The following TSHZ2 variants were observed in gnomAD, a reference collection of about 807,000 sequenced individuals.
TSHZ2 encodes teashirt homolog 2.
TSHZ2 carries 21 observed loss-of-function variants against 74.4 expected under a neutral mutation model. The observed-to-expected ratio is 0.28, with a 90% CI of 0.20 to 0.41. TSHZ2 has a LOEUF of 0.41. TSHZ2 is among the 10% of genes least tolerant of loss of function. The pLI, the probability that TSHZ2 is intolerant of heterozygous loss-of-function variation, is 1.00. For synonymous variants in TSHZ2, 540 were observed against 515.3 expected (o/e 1.05, Z -0.65); for missense variants, 1,244 against 1,293.5 (o/e 0.96, Z 0.59).
At chr20:53,422,501 CAAG>C (rs1335505124) in intron 2 of TSHZ2, among the ~76,000 whole-genome samples, 1 of 152,134 alleles carries the variant, frequency 6.6e-6, no homozygotes, top group Non-Finnish European at 1.5e-5. Context: ...AACACCTTCT[CAAG>C]AAGAAGAGAG....
At chr20:53,050,920 A>C (rs1030276379) in intron 1 of TSHZ2, among the ~76,000 whole-genome samples, 1 of 152,258 alleles carries the variant, frequency 6.6e-6, no homozygotes, top group Non-Finnish European at 1.5e-5. Context: ...CTGGCAAAAT[A>C]GATAAACAAT....
chr20:53,091,479 T>C (rs778937629), intron 1 of TSHZ2, among the ~76,000 whole-genome samples: 1 of 152,244 alleles, frequency 6.6e-6, no homozygotes, highest in Non-Finnish European at 1.5e-5. Context: ...AAATAATTTG[T>C]AAGATTTACC....
intron 2 of TSHZ2, among the ~76,000 whole-genome samples, chr20:53,337,693 A>G (rs1156356828): frequency 6.6e-6 from 1 of 152,236 alleles, no homozygotes; most frequent in Non-Finnish European, 1.5e-5. Flanking sequence ...ACCAAAGATA[A>G]TTAAATAACA....
In TSHZ2 at chr20:53,026,971, C is replaced by T. The variant is rs138718712; in HGVS notation, c.40+53638C>T. Among the ~76,000 whole-genome samples the T allele has an allele frequency of 2.6e-4, 39 of 151,506 alleles. No homozygotes were observed. The East Asian group carries it at 6.0e-3, about 23-fold the overall frequency. ...TATGTATTTATGTTTATAAAGACAG[C>T]GAGACCCTGTCTTTATAAACATAAA... On this transcript the variant is annotated intron_variant, in intron 1 of 2. Coordinates refer to ENST00000371497, the MANE Select transcript of TSHZ2 (RefSeq NM_173485.6).
At chr20:53,015,503 G>A (rs1489930203) in intron 1 of TSHZ2, among the ~76,000 whole-genome samples, 1 of 152,112 alleles carries the variant, frequency 6.6e-6, no homozygotes, top group Non-Finnish European at 1.5e-5. Flanking sequence ...ATAGTGCCAG[G>A]ATGAGAACCC....
chr20:53,171,974 A>G (rs1988214521), intron 1 of TSHZ2, among the ~76,000 whole-genome samples: 1 of 152,194 alleles, frequency 6.6e-6, no homozygotes, highest in Non-Finnish European at 1.5e-5. Context: ...AAAGGGGAAC[A>G]AAAAAAGAAC....
intron 1 of TSHZ2, among the ~76,000 whole-genome samples, chr20:53,054,856 A>C (rs1984586361): frequency 6.6e-6 from 1 of 152,152 alleles, no homozygotes; most frequent in East Asian, 1.9e-4. Context: ...CAAAACCAGC[A>C]GGTCAGATAG....
chr20:53,344,902 A>T (rs568717361), intron 2 of TSHZ2, among the ~76,000 whole-genome samples: 1 of 152,330 alleles, frequency 6.6e-6, no homozygotes, highest in South Asian at 2.1e-4. Flanking sequence ...ATGAGCCAAG[A>T]AGTAAAGATT....
intron 1 of TSHZ2, among the ~76,000 whole-genome samples, chr20:53,117,453 G>T (rs1016620669): frequency 6.6e-6 from 1 of 152,194 alleles, no homozygotes; most frequent in Non-Finnish European, 1.5e-5. Flanking sequence ...CTGCCCTTCA[G>T]GAGCCTCCTT....
intron 1 of TSHZ2, among the ~76,000 whole-genome samples, chr20:53,006,640 A>G (rs1982657931): frequency 6.6e-6 from 1 of 152,182 alleles, no homozygotes; most frequent in East Asian, 1.9e-4. Context: ...CTACATTTCA[A>G]TTTCCTAAGC....
intron 1 of TSHZ2, among the ~76,000 whole-genome samples, chr20:53,163,409 G>A (rs1005593772): frequency 8.3e-6 from 1 of 121,112 alleles, no homozygotes; most frequent in Non-Finnish European, 1.7e-5. Context: ...CATCTTTGGT[G>A]CCACAGTAGC....
At chr20:53,062,044 T>C (rs959643230) in intron 1 of TSHZ2, among the ~76,000 whole-genome samples, 17 of 152,168 alleles carry the variant, frequency 1.1e-4, no homozygotes, top group Admixed American at 4.6e-4. Flanking sequence ...AGGCCATATA[T>C]CTTCCAAGAA....
chr20:53,424,092 G>T (rs931968072), intron 2 of TSHZ2, among the ~76,000 whole-genome samples: 3 of 152,230 alleles, frequency 2.0e-5, no homozygotes, highest in Admixed American at 2.0e-4. Context: ...GCACTGTTTT[G>T]CTTCCCTAAC....
intron 2 of TSHZ2, among the ~76,000 whole-genome samples, chr20:53,342,202 C>A (rs1407417521): frequency 6.6e-6 from 1 of 151,758 alleles, no homozygotes; most frequent in Non-Finnish European, 1.5e-5. Context: ...TGTTTCCCTG[C>A]GTCATTTTCC....
rs1986551296 is a variant in TSHZ2 at position 53,495,192 on chromosome 20, T to C, written c.*8057T>C. 1.3e-5 allele frequency: 2 copies of C among 152,314 alleles called. No homozygotes were observed. The highest frequency in any genetic ancestry group is 4.8e-5 in the African/African-American group (2 of 41,564). 9.4% of individuals were successfully genotyped at this position (152,314 alleles called of 1,614,324 possible). On this transcript the variant is annotated 3_prime_UTR_variant, in exon 3 of 3. Coordinates refer to ENST00000371497, the MANE Select transcript of TSHZ2 (RefSeq NM_173485.6). ...GCACTTAAAACATGAAAAGAATTAT[T>C]TATATGATAAAAATATATTTAGCTT...
At position 53,277,699 on chromosome 20, in the gene TSHZ2, A is replaced by G. The variant is rs576960585; in HGVS notation, c.*8+21128A>G. On this transcript the variant is annotated intron_variant, in intron 2 of 2. Transcript: ENST00000371497. Reference sequence around the variant, plus strand: ...AGAGGGCCTGTTTCCCAAGGGTACCAAGAAAATATGGACATTTGGTTTAAT... The same window carrying G: ...AGAGGGCCTGTTTCCCAAGGGTACCGAGAAAATATGGACATTTGGTTTAAT... Among the ~76,000 whole-genome samples, 7 of 152,340 alleles carry G rather than the reference A, an allele frequency of 4.6e-5. No homozygotes were observed. The East Asian group carries it at 1.2e-3, about 25-fold the overall frequency.
chr20:53,001,131 C>T (rs559171971), intron 1 of TSHZ2, among the ~76,000 whole-genome samples: 21 of 151,778 alleles, frequency 1.4e-4, no homozygotes, highest in Non-Finnish European at 2.6e-4. Flanking sequence ...AAGAGAGGCA[C>T]AACAGGAACT....
At chr20:52,988,882 T>C (rs1451157831) in intron 1 of TSHZ2, among the ~76,000 whole-genome samples, 2 of 152,140 alleles carry the variant, frequency 1.3e-5, no homozygotes, top group African/African-American at 4.8e-5. Context: ...ATAAATCTCT[T>C]GTAGGCTCCA....
intron 1 of TSHZ2, among the ~76,000 whole-genome samples, chr20:53,137,296 C>CTTTTTTTTT (rs759993398): frequency 3.0e-5 from 4 of 135,260 alleles, no homozygotes; most frequent in Non-Finnish European, 4.7e-5. Context: ...ATTCGTGTTT[C>CTTTTTTTTT]TTTTTTTTTT....
Sources: allele counts gnomAD v4.1 joint callset (sites outside exome capture counted in the v4.1 genomes callset), GRCh38; gene constraint gnomAD v4.1.1; transcripts MANE v1.5; gene names NCBI Gene and HGNC (gene_info 2026-07-23, HGNC 2026-07-21).